Variants in HS3ST5 observed in about 807,000 individuals in gnomAD.
HS3ST5 encodes heparan sulfate-glucosamine 3-sulfotransferase 5.
A neutral mutation model predicts 25.4 loss-of-function variants in HS3ST5; 10 were observed. That is an observed-to-expected ratio of 0.39 (90% confidence interval 0.24 to 0.67). The LOEUF (loss-of-function observed/expected upper bound fraction) is 0.67, where lower values mean the gene tolerates loss of function less well. HS3ST5 is among the 30% of genes least tolerant of loss of function. The pLI is 0.44. For missense variants in HS3ST5, 324 were observed against 420.7 expected (o/e 0.77, Z 2.01); for synonymous variants, 170 against 162.4 (o/e 1.05, Z -0.36).
At chr6:114,217,759 TG>T (rs1393071271) in intron 2 of HS3ST5, among the ~76,000 whole-genome samples, 2 of 152,188 alleles carry the variant, frequency 1.3e-5, no homozygotes, top group African/African-American at 4.8e-5. Flanking sequence ...GTAGCAGAAG[TG>T]GGGACTTGAA....
At chr6:114,336,470 T>C (rs1008599782) in intron 1 of HS3ST5, among the ~76,000 whole-genome samples, 2 of 152,174 alleles carry the variant, frequency 1.3e-5, no homozygotes, top group Non-Finnish European at 2.9e-5. Context: ...CAGGTGGGCA[T>C]GGTGGCACAT....
intron 3 of HS3ST5, among the ~76,000 whole-genome samples, chr6:114,086,316 G>A (rs1407980756): frequency 6.6e-6 from 1 of 152,180 alleles, no homozygotes; most frequent in Non-Finnish European, 1.5e-5. Flanking sequence ...AGCAGAAGGA[G>A]TGATTAGATT....
chr6:114,239,645 C>A (rs1772011919), intron 1 of HS3ST5, among the ~76,000 whole-genome samples: 1 of 152,112 alleles, frequency 6.6e-6, no homozygotes, highest in South Asian at 2.1e-4. Context: ...TCGTTTTCTG[C>A]AGTTGGATGC....
chr6:114,200,978 A>G (rs930587678), intron 2 of HS3ST5, among the ~76,000 whole-genome samples: 2 of 152,194 alleles, frequency 1.3e-5, no homozygotes, highest in African/African-American at 4.8e-5. Flanking sequence ...TAAGGCAAGC[A>G]GGCTTAACTC....
At chr6:114,255,548 C>G (rs1772867210) in intron 1 of HS3ST5, among the ~76,000 whole-genome samples, 2 of 152,226 alleles carry the variant, frequency 1.3e-5, no homozygotes, top group Non-Finnish European at 1.5e-5. Context: ...TCCTTATGCA[C>G]TGCCCTAACA....
intron 1 of HS3ST5, among the ~76,000 whole-genome samples, chr6:114,312,905 C>G (rs141205400): frequency 7.3e-5 from 11 of 150,760 alleles, no homozygotes; most frequent in Non-Finnish European, 1.5e-4. Flanking sequence ...TGGTACATGC[C>G]TATAGTTACT....
At chr6:114,294,093 T>C (rs566331777) in intron 1 of HS3ST5, among the ~76,000 whole-genome samples, 1 of 152,114 alleles carries the variant, frequency 6.6e-6, no homozygotes, top group African/African-American at 2.4e-5. Context: ...CAATAACGTG[T>C]TAAGGAGAAA....
At chr6:114,164,734 G>A (rs1779127756) in intron 3 of HS3ST5, among the ~76,000 whole-genome samples, 1 of 151,922 alleles carries the variant, frequency 6.6e-6, no homozygotes, top group South Asian at 2.1e-4. Context: ...AAGAAATTTG[G>A]GTAATTTTCT....
intron 1 of HS3ST5, among the ~76,000 whole-genome samples, chr6:114,240,919 G>T (rs1772084139): frequency 6.6e-6 from 1 of 152,050 alleles, no homozygotes; most frequent in Non-Finnish European, 1.5e-5. Flanking sequence ...CCTGGGACCT[G>T]CCATTTTGCC....
intron 1 of HS3ST5, among the ~76,000 whole-genome samples, chr6:114,307,225 G>A (rs1260445370): frequency 6.6e-6 from 1 of 152,122 alleles, no homozygotes; most frequent in Non-Finnish European, 1.5e-5. Context: ...ACCTAGGGCA[G>A]GTTTGCTAGG....
chr6:114,162,468 T>C (rs956620220), intron 3 of HS3ST5, among the ~76,000 whole-genome samples: 1 of 152,198 alleles, frequency 6.6e-6, no homozygotes, highest in Non-Finnish European at 1.5e-5. Context: ...TTGCAGTAGT[T>C]TCTTTGCTCC....
At chr6:114,240,608 A>G (rs149309757) in intron 1 of HS3ST5, among the ~76,000 whole-genome samples, 8 of 152,272 alleles carry the variant, frequency 5.3e-5, no homozygotes, top group Non-Finnish European at 1.0e-4. Context: ...TAGATGCACA[A>G]ATATATTTTT....
chr6:114,229,950 T>C (rs1157355750), intron 1 of HS3ST5, among the ~76,000 whole-genome samples: 1 of 152,154 alleles, frequency 6.6e-6, no homozygotes, highest in Non-Finnish European at 1.5e-5. Context: ...CATTCAGTTG[T>C]CGTTTCTTGC....
chr6:114,102,726 C>T (rs761479995), intron 3 of HS3ST5, among the ~76,000 whole-genome samples: 14 of 152,172 alleles, frequency 9.2e-5, no homozygotes, highest in Non-Finnish European at 1.9e-4. Flanking sequence ...CCTTAAAATA[C>T]ATCATAATGC....
intron 3 of HS3ST5, among the ~76,000 whole-genome samples, chr6:114,162,968 G>C (rs1173701762): frequency 6.6e-6 from 1 of 152,078 alleles, no homozygotes; most frequent in Non-Finnish European, 1.5e-5. Flanking sequence ...TTTGAGGGCG[G>C]GGGGTTTTGA....
intron 3 of HS3ST5, chr6:114,084,902 G>A: frequency 1.7e-5 from 9 of 515,170 alleles, no homozygotes; most frequent in Non-Finnish European, 2.8e-5. Flanking sequence ...TGTGATCTCG[G>A]CTCACTGCAA....
At chr6:114,086,110 G>GTGTGGAAT (rs1312445243) in intron 3 of HS3ST5, among the ~76,000 whole-genome samples, 1 of 152,092 alleles carries the variant, frequency 6.6e-6, no homozygotes, top group Non-Finnish European at 1.5e-5. Context: ...ATTAAAGGCA[G>GTGTGGAAT]TGTGGAATTG....
intron 1 of HS3ST5, among the ~76,000 whole-genome samples, chr6:114,279,551 C>G (rs1263500932): frequency 1.3e-5 from 2 of 151,976 alleles, no homozygotes; most frequent in Non-Finnish European, 2.9e-5. Flanking sequence ...ATAAAAATGC[C>G]AAATGGGGGT....
In HS3ST5 at chr6:114,255,176, A is replaced by G. The variant is rs139847238; in HGVS notation, c.-338-26398T>C. 1.8e-4 allele frequency among the ~76,000 whole-genome samples: 28 copies of G among 152,344 alleles called. No individual in the cohort carries two copies. The East Asian group carries it at 5.2e-3, about 28-fold the overall frequency. ...TTTTAAATGGGAGAAATTGGCTAAA[A>G]CAAAGGAGCTAAAGGCCCTATGCAA... On this transcript the variant is annotated intron_variant, in intron 1 of 4. Transcript: ENST00000312719.
Sources: gnomAD v4.1 joint callset for allele counts (sites outside exome capture counted in the v4.1 genomes callset) on GRCh38, gnomAD v4.1.1 for gene constraint, MANE v1.5 for transcripts, NCBI Gene and HGNC (gene_info 2026-07-23, HGNC 2026-07-21) for gene names.